The following OTOA variants were observed in gnomAD, a reference collection of about 807,000 sequenced individuals.
OTOA encodes cancer/testis antigen 108.
OTOA carries 70 observed loss-of-function variants against 110.8 expected under a neutral mutation model. That is an observed-to-expected ratio of 0.63 (90% CI 0.52 to 0.77). The LOEUF (loss-of-function observed/expected upper bound fraction) is 0.77, where lower values mean the gene tolerates loss of function less well. OTOA is among the 30% of genes least tolerant of loss of function. The probability of loss-of-function intolerance (pLI) is 0.00; values close to 1 mark genes in which losing one functional copy is unlikely to be tolerated. For synonymous variants in OTOA, 373 were observed against 431.5 expected, an observed-to-expected ratio of 0.86 and a Z score of 1.68; for missense variants, 917 against 1,075.8, an observed-to-expected ratio of 0.85 and a Z score of 2.06.
Position 21,696,925 on chromosome 16 carries a change from G to GTC in OTOA, c.740-847_740-846dup, listed in dbSNP as rs1897954341. 2.7e-5 allele frequency among the ~76,000 whole-genome samples: 4 copies of GTC among 149,266 alleles called. No homozygotes were observed. In the South Asian group the frequency reaches 8.5e-4, roughly 32 times the overall value. On this transcript the variant is annotated intron_variant, in intron 9 of 28. Coordinates refer to ENST00000646100, the MANE Select transcript of OTOA (RefSeq NM_144672.4). ...ATTATTACTTTTTTAAAGAGACAGG[G>GTC]TCTCACTCTGTTGCCCAGGCTGGAG...
chr16:21,671,117 C>A (rs1344313236), intron 1 of OTOA, among the ~76,000 whole-genome samples: 1 of 152,064 alleles, frequency 6.6e-6, no homozygotes, highest in African/African-American at 2.4e-5. Flanking sequence ...TTGAAAACAG[C>A]AATCTGGTTT....
chr16:21,697,871 T>C lies in OTOA; in HGVS notation c.836T>C (p.Ile279Thr), dbSNP rs1268019146. The C allele has an allele frequency of 1.2e-6, 2 of 1,612,884 alleles. No homozygotes were observed. The highest frequency in any genetic ancestry group is 2.2e-5 in the East Asian group (1 of 44,862). Reference protein sequence around the residue: ...SFEEITKISPIEIGLFISYDN... With the variant: ...SFEEITKISPTEIGLFISYDN... The stretch of plus-strand genomic sequence containing the variant: ...GAAGAAATTACGAAAATTAGTCCTA[T>C]AGAAGTAAGTTGGAAAAGTACATTT... The change falls in exon 10 of 29, where the codon ATA (isoleucine) becomes ACA (threonine). Residue 279 changes from isoleucine (I) to threonine (T), a missense_variant. Transcript: ENST00000646100.
intron 15 of OTOA, among the ~76,000 whole-genome samples, chr16:21,718,529 G>T (rs1196042566): frequency 6.6e-6 from 1 of 152,164 alleles, no homozygotes; most frequent in Non-Finnish European, 1.5e-5. Context: ...TCTGTCTGGG[G>T]AATGATACTC....
At chr16:21,711,120 T>A (rs1434619535) in intron 13 of OTOA, among the ~76,000 whole-genome samples, 1 of 152,102 alleles carries the variant, frequency 6.6e-6, no homozygotes, top group Non-Finnish European at 1.5e-5. Context: ...CACCACAGAG[T>A]AGGAGCTCAA....
At chr16:21,680,847 T>C (rs532896008) in intron 5 of OTOA, among the ~76,000 whole-genome samples, 2 of 148,718 alleles carry the variant, frequency 1.3e-5, no homozygotes, top group South Asian at 4.3e-4. Context: ...AGTGAGACTC[T>C]GTCTCCAAAA....
Position 21,719,130 on chromosome 16 carries a change from C to A in OTOA, c.1630-3C>A, listed in dbSNP as rs372740512. 1 of 1,613,498 alleles carries A rather than the reference C, an allele frequency of 6.2e-7. No homozygotes were observed. Among genetic ancestry groups the A allele is most frequent in the Non-Finnish European group, 8.5e-7 (1 of 1,179,730 alleles). ...AGTGCTAACGATCATTCTCTTCTCG[C>A]AGGCTCTGTTCCTGTATGAGCTTCT... is the stretch of plus-strand genomic sequence containing the variant. On this transcript the variant is annotated splice_region_variant and splice_polypyrimidine_tract_variant and intron_variant, in intron 15 of 28. Transcript: ENST00000646100.
chr16:21,706,345 C>G (rs1267039363), intron 12 of OTOA, among the ~76,000 whole-genome samples: 6 of 152,194 alleles, frequency 3.9e-5, no homozygotes, highest in Admixed American at 3.9e-4. Flanking sequence ...CTCTGGTGAG[C>G]ACACCTGGAG....
intron 27 of OTOA, among the ~76,000 whole-genome samples, 167 bp downstream of exon 27, chr16:21,753,291 A>C (rs1899892112): frequency 1.7e-5 from 2 of 115,082 alleles, no homozygotes; most frequent in Non-Finnish European, 3.8e-5. Context: ...ATTTTTCTTA[A>C]AATTACAATA....
intron 21 of OTOA, among the ~76,000 whole-genome samples, chr16:21,732,212 C>T (rs1481325142): frequency 2.0e-5 from 3 of 152,206 alleles, no homozygotes; most frequent in Non-Finnish European, 4.4e-5. Context: ...GTGATCTGCC[C>T]GCCTCGGCCT....
chr16:21,738,805 G>T (rs1219376376), intron 22 of OTOA, among the ~76,000 whole-genome samples: 2 of 152,310 alleles, frequency 1.3e-5, no homozygotes, highest in Non-Finnish European at 2.9e-5. Flanking sequence ...TTCCCATTTA[G>T]GGCTGCAGAT....
At chr16:21,675,486 C>G (rs1446822183) in intron 1 of OTOA, among the ~76,000 whole-genome samples, 1 of 151,576 alleles carries the variant, frequency 6.6e-6, no homozygotes, top group African/African-American at 2.4e-5. Context: ...TTGTGCCACC[C>G]CCTCCTTTCC....
chr16:21,678,896 T>C lies in OTOA; in HGVS notation c.92-19T>C, dbSNP rs1434837097. On this transcript the variant is annotated intron_variant, in intron 2 of 28. Coordinates refer to ENST00000646100, the MANE Select transcript of OTOA (RefSeq NM_144672.4). ...CACACAATTCAATTCTAGTTATACA[T>C]TCAATGGCTTTCTTACAGATTTGCA... 6.2e-7 allele frequency: 1 copy of C among 1,611,986 alleles called. No homozygotes were observed. The highest frequency in any genetic ancestry group is 8.5e-7 in the Non-Finnish European group (1 of 1,179,622).
chr16:21,668,502 C>T (rs1229396588), intron 1 of OTOA, among the ~76,000 whole-genome samples: 3 of 134,256 alleles, frequency 2.2e-5, no homozygotes, highest in African/African-American at 8.7e-5. Context: ...CTCTTGTCAT[C>T]CAGGTTGGAG....
intron 10 of OTOA, among the ~76,000 whole-genome samples, chr16:21,699,998 T>C (rs2141674821): frequency 6.6e-6 from 1 of 151,858 alleles, no homozygotes; most frequent in South Asian, 2.1e-4. Flanking sequence ...AAATTATATA[T>C]ATAATTTATA....
intron 20 of OTOA, chr16:21,729,598 T>C (rs181280347): frequency 2.0e-5 from 3 of 152,192 alleles, no homozygotes. Flanking sequence ...TATAATAACA[T>C]GTATTCACCA....
intron 9 of OTOA, among the ~76,000 whole-genome samples, chr16:21,696,119 TC>T (rs1211013190): frequency 1.3e-5 from 2 of 151,722 alleles, no homozygotes; most frequent in African/African-American, 4.8e-5. Context: ...GCTCTCGATC[TC>T]CTGACCTTGT....
intron 8 of OTOA, among the ~76,000 whole-genome samples, chr16:21,690,089 A>T (rs1329597274): frequency 6.6e-6 from 1 of 152,162 alleles, no homozygotes; most frequent in African/African-American, 2.4e-5. Flanking sequence ...GGAAGTGGAG[A>T]CAATATGTAT....
In OTOA at chr16:21,735,184, A is replaced by G. The variant is rs3865122; in HGVS notation, c.2302-1077A>G. 7.3e-3 allele frequency among the ~76,000 whole-genome samples: 1,101 copies of G among 150,194 alleles called. 8 individuals carry two copies. The highest frequency in any genetic ancestry group is 0.027 in the East Asian group (136 of 5,030). Reference sequence around the variant, plus strand: ...ACAAGAAAAGAGGATTGATTGGCTCATGGCTCTGCCGACTGTACAGGAAGC... The same window carrying G: ...ACAAGAAAAGAGGATTGATTGGCTCGTGGCTCTGCCGACTGTACAGGAAGC... On this transcript the variant is annotated intron_variant, in intron 21 of 28. Coordinates refer to ENST00000646100, the MANE Select transcript of OTOA (RefSeq NM_144672.4).
Position 21,680,994 on chromosome 16 carries a change from C to A in OTOA, c.180-744C>A, listed in dbSNP as rs375060757. Among the ~76,000 whole-genome samples, 5 of 152,076 alleles carry A rather than the reference C, an allele frequency of 3.3e-5. No homozygotes were observed. In the East Asian group the frequency reaches 5.8e-4, roughly 18 times the overall value. On this transcript the variant is annotated intron_variant, in intron 5 of 28. Transcript: ENST00000646100. ...TTTCATATAAAGGGAAACTGAGGCACAAGAAAATTTATCAAATTGTCTCAA... is the reference window on the plus strand; with the variant it reads ...TTTCATATAAAGGGAAACTGAGGCAAAAGAAAATTTATCAAATTGTCTCAA...
Sources: allele counts gnomAD v4.1 joint callset (sites outside exome capture counted in the v4.1 genomes callset), GRCh38; gene constraint gnomAD v4.1.1; transcripts MANE v1.5; gene names NCBI Gene and HGNC (gene_info 2026-07-23, HGNC 2026-07-21).